Variants in AHI1 observed in about 807,000 individuals in gnomAD.
AHI1 encodes the protein jouberin.
Under a neutral mutation model 149.3 loss-of-function variants are expected in AHI1, and 123 were observed. That is an observed-to-expected ratio of 0.82 (90% CI 0.71 to 0.96). The LOEUF is 0.96. Among genes scored for constraint, AHI1 ranks in the 40% least tolerant of loss-of-function variants. The pLI is 0.00. For missense variants in AHI1, 1,439 were observed against 1,422.7 expected, an observed-to-expected ratio of 1.01 and a Z score of -0.18; for synonymous variants, 475 against 459.8, an observed-to-expected ratio of 1.03 and a Z score of -0.42.
chr6:135,311,288 C>T lies in AHI1; in HGVS notation c.3426+7231G>A, dbSNP rs373488220. Reference sequence around the variant, plus strand: ...CTGCACTCCAACCTGGGTGACAGGGCGAGACCCCGCCTCAAAAAAAAAAAA... The same window carrying T: ...CTGCACTCCAACCTGGGTGACAGGGTGAGACCCCGCCTCAAAAAAAAAAAA... On this transcript the variant is annotated intron_variant, in intron 26 of 28. Transcript: ENST00000265602. 9.3e-3 allele frequency among the ~76,000 whole-genome samples: 1,038 copies of T among 111,898 alleles called. 5 individuals are homozygous for T. Among genetic ancestry groups the T allele is most frequent in the Middle Eastern group, 0.049 (8 of 162 alleles). The allele number at this position is 111,898 out of a possible 152,430, so 73.4% of individuals were successfully genotyped here.
chr6:135,451,823 T>C (rs1455877929), intron 11 of AHI1, among the ~76,000 whole-genome samples: 2 of 151,808 alleles, frequency 1.3e-5, no homozygotes, highest in Non-Finnish European at 2.9e-5. Context: ...CTGTTTACTA[T>C]GTGAAAGTGA....
chr6:135,398,050 C>T (rs1018238617), intron 22 of AHI1, among the ~76,000 whole-genome samples: 7 of 137,086 alleles, frequency 5.1e-5, no homozygotes, highest in Admixed American at 1.6e-4. Flanking sequence ...ACCAATAATA[C>T]CCAGGATGTT....
intron 26 of AHI1, chr6:135,304,947 A>C (rs1159100838): frequency 6.6e-6 from 1 of 152,186 alleles, no homozygotes; most frequent in Admixed American, 6.5e-5. Flanking sequence ...CTAGATAAAA[A>C]CTTACGAGAT....
chr6:135,338,664 A>C (rs1334087765), intron 24 of AHI1, among the ~76,000 whole-genome samples: 1 of 152,246 alleles, frequency 6.6e-6, no homozygotes, highest in Non-Finnish European at 1.5e-5. Flanking sequence ...TGATTTTAAG[A>C]ATAACAGCCA....
At chr6:135,407,462 C>T (rs1247839501) in intron 21 of AHI1, among the ~76,000 whole-genome samples, 1 of 152,136 alleles carries the variant, frequency 6.6e-6, no homozygotes, top group African/African-American at 2.4e-5. Flanking sequence ...AAAGAAAATA[C>T]ATTGCAGATA....
At chr6:135,491,737 C>T (rs1795280584) in intron 4 of AHI1, among the ~76,000 whole-genome samples, 1 of 152,162 alleles carries the variant, frequency 6.6e-6, no homozygotes, top group South Asian at 2.1e-4. Flanking sequence ...TGTCGGCAAA[C>T]TATGGCCTGC....
At chr6:135,386,186 G>A (rs1777548759) in intron 23 of AHI1, among the ~76,000 whole-genome samples, 1 of 151,330 alleles carries the variant, frequency 6.6e-6, no homozygotes, top group African/African-American at 2.4e-5. Flanking sequence ...TTCCTAATCT[G>A]AAGTTCATTC....
intron 26 of AHI1, chr6:135,301,432 A>G: frequency 1.0e-6 from 1 of 985,416 alleles, no homozygotes. Flanking sequence ...TTGTTTGAGT[A>G]ACTGCTTTCC....
At chr6:135,352,158 C>A (rs1792216002) in intron 24 of AHI1, among the ~76,000 whole-genome samples, 1 of 152,190 alleles carries the variant, frequency 6.6e-6, no homozygotes, top group African/African-American at 2.4e-5. Flanking sequence ...CCTGCAATTT[C>A]ATGAGCTGCT....
chr6:135,389,835 T>G (rs1778211272), intron 23 of AHI1, among the ~76,000 whole-genome samples: 1 of 152,194 alleles, frequency 6.6e-6, no homozygotes, highest in Non-Finnish European at 1.5e-5. Context: ...GTAGTAACAC[T>G]TCCTGCTAAT....
At chr6:135,435,751 C>T (rs578150019) in intron 15 of AHI1, among the ~76,000 whole-genome samples, 1 of 152,276 alleles carries the variant, frequency 6.6e-6, no homozygotes, top group Admixed American at 6.5e-5. Flanking sequence ...GACTTAGAGA[C>T]TGAACACTGA....
chr6:135,300,730 T>TG, intron 26 of AHI1, 172 bp from the exon 27 acceptor site: 1 of 1,253,920 alleles, frequency 8.0e-7, no homozygotes, highest in Non-Finnish European at 1.0e-6. Flanking sequence ...GGACAATATA[T>TG]TTGCTCCCAT....
At position 135,304,759 on chromosome 6, in the gene AHI1, A is replaced by T. The variant is rs533378720; in HGVS notation, c.3427-4201T>A. 3.3e-5 allele frequency among the ~76,000 whole-genome samples: 5 copies of T among 152,328 alleles called. No individual in the cohort carries two copies. In the East Asian group the frequency reaches 9.6e-4, roughly 29 times the overall value. ...GCACTCCAACCTGTGAGACAGAGCG[A>T]GATTCCATCTCCAAAAAGTGAAGAC... On this transcript the variant is annotated intron_variant, in intron 26 of 28. Transcript: ENST00000265602.
At position 135,428,774 on chromosome 6, in the gene AHI1, G is replaced by GTTAC; in HGVS notation, c.2493-16_2493-15insGTAA. 6.3e-7 allele frequency: 1 copy of GTTAC among 1,587,528 alleles called. No homozygotes were observed. The highest frequency in any genetic ancestry group is 8.6e-7 in the Non-Finnish European group (1 of 1,165,702). The stretch of plus-strand genomic sequence containing the variant: ...TTGCTACTAATCTACAAGCAAAAAA[G>GTTAC]ATTTTACAAATGTAACTGTCTTAAT... On this transcript the variant is annotated splice_polypyrimidine_tract_variant and intron_variant, in intron 18 of 28. Transcript: ENST00000265602.
At chr6:135,297,900 GC>G (rs1422981152) in intron 27 of AHI1, among the ~76,000 whole-genome samples, 1 of 151,992 alleles carries the variant, frequency 6.6e-6, no homozygotes, top group Non-Finnish European at 1.5e-5. Context: ...ATTTATAGCC[GC>G]ACCATATTAA....
intron 20 of AHI1, among the ~76,000 whole-genome samples, chr6:135,426,299 C>T (rs1228014426): frequency 1.3e-5 from 2 of 151,632 alleles, no homozygotes; most frequent in African/African-American, 4.8e-5. Flanking sequence ...CTATAAAATT[C>T]TTTAAAATAA....
intron 11 of AHI1, among the ~76,000 whole-genome samples, chr6:135,452,382 CTT>C (rs1375759774): frequency 2.0e-5 from 3 of 152,174 alleles, no homozygotes; most frequent in Non-Finnish European, 4.4e-5. Flanking sequence ...CGCCTTTCAT[CTT>C]TGCTGAAACA....
chr6:135,287,185 C>T (rs938661015), intron 28 of AHI1, among the ~76,000 whole-genome samples: 4 of 152,064 alleles, frequency 2.6e-5, no homozygotes, highest in Non-Finnish European at 5.9e-5. Context: ...GGATCCTGCA[C>T]GTGCAGAAGA....
chr6:135,492,928 C>T (rs961915849), intron 3 of AHI1: 29 of 978,806 alleles, frequency 3.0e-5, no homozygotes, highest in Non-Finnish European at 3.4e-5. Context: ...CATATTCTCA[C>T]ATTAGAACAT....
Sources: allele counts gnomAD v4.1 joint callset (sites outside exome capture counted in the v4.1 genomes callset), GRCh38; gene constraint gnomAD v4.1.1; transcripts MANE v1.5; gene names NCBI Gene and HGNC (gene_info 2026-07-23, HGNC 2026-07-21).